The following DUSP16 variants were observed in gnomAD, a reference collection of about 807,000 sequenced individuals.
DUSP16 encodes the protein dual specificity protein phosphatase 16.
In DUSP16, 21 loss-of-function variants were observed where a neutral mutation model predicts 58.3. The ratio of observed to expected loss-of-function variants is 0.36; its 90% confidence interval spans 0.26 to 0.52. The LOEUF is 0.52. Among genes scored for constraint, DUSP16 ranks in the 20% least tolerant of loss-of-function variants. The probability of loss-of-function intolerance (pLI) is 0.94; values close to 1 mark genes in which losing one functional copy is unlikely to be tolerated. For synonymous variants in DUSP16, 320 were observed against 323.8 expected (o/e 0.99, Z 0.12); for missense variants, 726 against 819.0 (o/e 0.89, Z 1.39).
At chr12:12,549,584 A>G (rs1944695792) in intron 1 of DUSP16, among the ~76,000 whole-genome samples, 1 of 152,154 alleles carries the variant, frequency 6.6e-6, no homozygotes, top group South Asian at 2.1e-4. Flanking sequence ...TCCCAAAAGA[A>G]AAAAATAACA....
At chr12:12,493,144 C>T (rs563833548) in intron 4 of DUSP16, among the ~76,000 whole-genome samples, 3 of 152,296 alleles carry the variant, frequency 2.0e-5, no homozygotes, top group African/African-American at 7.2e-5. Flanking sequence ...CATCTGTCTA[C>T]TCAACATCTC....
intron 1 of DUSP16, among the ~76,000 whole-genome samples, chr12:12,522,819 C>G (rs553680878): frequency 6.6e-6 from 1 of 152,306 alleles, no homozygotes; most frequent in Non-Finnish European, 1.5e-5. Context: ...CTGTCTCAGC[C>G]TCCCAAAGTG....
chr12:12,538,852 C>T (rs1387917985), intron 1 of DUSP16, among the ~76,000 whole-genome samples: 1 of 152,192 alleles, frequency 6.6e-6, no homozygotes, highest in Non-Finnish European at 1.5e-5. Flanking sequence ...AAATATAAAG[C>T]ATGTAATAAA....
intron 1 of DUSP16, among the ~76,000 whole-genome samples, chr12:12,529,366 T>A (rs1484940195): frequency 6.6e-6 from 1 of 152,210 alleles, no homozygotes; most frequent in Non-Finnish European, 1.5e-5. Flanking sequence ...TACATTGGCC[T>A]CCAAAAGTGC....
intron 5 of DUSP16, among the ~76,000 whole-genome samples, chr12:12,484,731 C>T (rs1424083955): frequency 6.6e-6 from 1 of 152,002 alleles, no homozygotes; most frequent in Non-Finnish European, 1.5e-5. Flanking sequence ...AAGAGATTCT[C>T]CTGCCTCAGC....
At chr12:12,550,224 G>A (rs1425689312) in intron 1 of DUSP16, among the ~76,000 whole-genome samples, 1 of 150,544 alleles carries the variant, frequency 6.6e-6, no homozygotes, top group Non-Finnish European at 1.5e-5. Context: ...AGTGAGCCAA[G>A]ACGGCGCCAT....
intron 3 of DUSP16, among the ~76,000 whole-genome samples, chr12:12,518,856 A>ATCCTTG (rs1944190337): frequency 6.6e-6 from 1 of 152,238 alleles, no homozygotes; most frequent in Non-Finnish European, 1.5e-5. Flanking sequence ...AAGATGAACT[A>ATCCTTG]TCCTTGTTCT....
At chr12:12,531,626 T>C (rs1452517834) in intron 1 of DUSP16, among the ~76,000 whole-genome samples, 1 of 152,232 alleles carries the variant, frequency 6.6e-6, no homozygotes, top group Non-Finnish European at 1.5e-5. Flanking sequence ...TTAAACTACT[T>C]TTGGGAGGCC....
chr12:12,548,525 G>C (rs377294571), intron 1 of DUSP16, among the ~76,000 whole-genome samples: 10 of 151,052 alleles, frequency 6.6e-5, no homozygotes, highest in African/African-American at 1.9e-4. Flanking sequence ...CCAGCTACTC[G>C]GGAAGCTGAG....
chr12:12,541,868 A>T (rs1375488755), intron 1 of DUSP16, among the ~76,000 whole-genome samples: 1 of 152,190 alleles, frequency 6.6e-6, no homozygotes, highest in Non-Finnish European at 1.5e-5. Flanking sequence ...CTTGTATAAA[A>T]ATGTTCACAG....
intron 1 of DUSP16, among the ~76,000 whole-genome samples, chr12:12,538,144 C>T (rs1369773959): frequency 6.6e-6 from 1 of 152,142 alleles, no homozygotes; most frequent in Non-Finnish European, 1.5e-5. Context: ...AAACATGCAT[C>T]CCCGTGCGCC....
chr12:12,548,355 G>A (rs1944676996), intron 1 of DUSP16, among the ~76,000 whole-genome samples: 1 of 152,172 alleles, frequency 6.6e-6, no homozygotes, highest in South Asian at 2.1e-4. Flanking sequence ...ACAAGTGTTG[G>A]CTGGGCACAG....
rs1944541879 is a variant in DUSP16 at position 12,540,837 on chromosome 12, T to A, written c.-365-19374A>T. Among the ~76,000 whole-genome samples, 4 of 152,038 alleles carry A rather than the reference T, an allele frequency of 2.6e-5. No homozygotes were observed. The South Asian group carries it at 8.3e-4, about 32-fold the overall frequency. On this transcript the variant is annotated intron_variant, in intron 1 of 6. Transcript: ENST00000298573. ...ACTTCTACTAATTCTGGAGGCAACT[T>A]CCTGTCAGCTGGTCCCTAAAGGCTG...
At chr12:12,543,413 C>T (rs536969498) in intron 1 of DUSP16, among the ~76,000 whole-genome samples, 2 of 152,202 alleles carry the variant, frequency 1.3e-5, no homozygotes, top group African/African-American at 4.8e-5. Flanking sequence ...ATAGTAGATG[C>T]TGTTCTTTTA....
chr12:12,498,490 G>T lies in DUSP16; in HGVS notation c.531+2029C>A, dbSNP rs552347138. ...AGTACACTGGCACAATCTGGGCTCA[G>T]TGCAGCCTCTGCCTCCCAAGCTCAA... On this transcript the variant is annotated intron_variant, in intron 4 of 6. Transcript: ENST00000298573. Among the ~76,000 whole-genome samples the T allele has an allele frequency of 1.3e-4, 20 of 151,818 alleles. No individual in the cohort carries two copies. In the South Asian group the frequency reaches 4.0e-3, roughly 30 times the overall value.
chr12:12,542,843 T>A (rs1944585574), intron 1 of DUSP16, among the ~76,000 whole-genome samples: 1 of 152,066 alleles, frequency 6.6e-6, no homozygotes, highest in Non-Finnish European at 1.5e-5. Flanking sequence ...AAACCCTAAG[T>A]CCATTGTGAT....
In DUSP16 at chr12:12,520,963, T is replaced by C; in HGVS notation, c.136A>G (p.Ile46Val). 1 of 1,614,236 alleles carries C rather than the reference T, an allele frequency of 6.2e-7. No individual in the cohort carries two copies. Among genetic ancestry groups the C allele is most frequent in the Non-Finnish European group, 8.5e-7 (1 of 1,180,030 alleles). ...ATAAGCTTGGAGCAGTTGATATTAA[T>C]GGCTTCCAAAATGTGGGATGTATTG... ...EYNTSHILEA[I>V]NINCSKLMKR... Residue 46 changes from isoleucine (I) to valine (V), a missense_variant, in exon 2 of 7, where the codon ATT becomes GTT. Transcript: ENST00000298573.
intron 3 of DUSP16, among the ~76,000 whole-genome samples, chr12:12,501,211 A>C (rs1220558909): frequency 6.6e-6 from 1 of 152,182 alleles, no homozygotes; most frequent in Non-Finnish European, 1.5e-5. Flanking sequence ...CCACCTACGA[A>C]TATTCTATCA....
chr12:12,558,541 T>A (rs1255630137), intron 1 of DUSP16, among the ~76,000 whole-genome samples: 1 of 152,112 alleles, frequency 6.6e-6, no homozygotes, highest in African/African-American at 2.4e-5. Flanking sequence ...ACTACTACCA[T>A]ACCTAGCTAA....
Sources: gnomAD v4.1 joint callset for allele counts (sites outside exome capture counted in the v4.1 genomes callset) on GRCh38, gnomAD v4.1.1 for gene constraint, MANE v1.5 for transcripts, NCBI Gene and HGNC (gene_info 2026-07-23, HGNC 2026-07-21) for gene names.